Variants in TRIP12 observed in about 807,000 individuals in gnomAD.
TRIP12 encodes thyroid hormone receptor interactor 12.
Under a neutral mutation model 244.2 loss-of-function variants are expected in TRIP12, and 25 were observed. That is an observed-to-expected ratio of 0.10 (90% CI 0.07 to 0.14). The LOEUF is 0.14. Among genes scored for constraint, TRIP12 ranks in the 10% least tolerant of loss-of-function variants. TRIP12 has a pLI of 1.00. For synonymous variants in TRIP12, 905 were observed against 873.1 expected (o/e 1.04, Z -0.64); for missense variants, 1,677 against 2,486.4 (o/e 0.67, Z 6.92).
intron 2 of TRIP12, among the ~76,000 whole-genome samples, chr2:229,876,085 C>T (rs1210124931): frequency 1.3e-5 from 2 of 152,164 alleles, no homozygotes; most frequent in Non-Finnish European, 2.9e-5. Flanking sequence ...ACCAGCCTGG[C>T]CGACATAGTG....
At chr2:229,894,426 A>G (rs1283526150) in intron 1 of TRIP12, 1 of 152,198 alleles carries the variant, frequency 6.6e-6, no homozygotes, top group Non-Finnish European at 1.5e-5. Context: ...GGATTACACA[A>G]TTTAATATTG....
intron 2 of TRIP12, among the ~76,000 whole-genome samples, chr2:229,874,272 T>C (rs1242505761): frequency 6.6e-6 from 1 of 152,128 alleles, no homozygotes; most frequent in East Asian, 1.9e-4. Flanking sequence ...CAAACTTTTC[T>C]TTTTAAAAAG....
intron 11 of TRIP12, 153 bp from the exon 12 acceptor site, chr2:229,814,478 A>G: frequency 1.6e-6 from 1 of 620,700 alleles, no homozygotes; most frequent in Non-Finnish European, 2.7e-6. Context: ...CTTAAGCTAC[A>G]AAGTATAGCC....
At chr2:229,901,776 G>A (rs1029736252) in intron 1 of TRIP12, among the ~76,000 whole-genome samples, 1 of 152,140 alleles carries the variant, frequency 6.6e-6, no homozygotes, top group African/African-American at 2.4e-5. Context: ...AGACAGTTCT[G>A]TGAGGAAAAC....
In TRIP12 at chr2:229,818,512, C is replaced by T. The variant is rs550051391; in HGVS notation, c.1451G>A (p.Ser484Asn). Residue 484 changes from serine (S) to asparagine (N), a missense_variant and splice_region_variant, in exon 9 of 42, where the codon AGT (serine) becomes AAT (asparagine). This residue lies in a region of TRIP12 where 143 missense variants were observed against 215.6 expected (regional missense o/e 0.66). Transcript: ENST00000675903. ...TTGTAGTAGCTGCTGGGCCTTAGAA[C>T]CTTTAGAGAAAAAAATAATTATTAT... ...LFHRTIGSGA[S>N]SKAQQLLQGL... 4 of 1,611,142 alleles carry T rather than the reference C, an allele frequency of 2.5e-6. No homozygotes were observed. The African/African-American group carries it at 4.0e-5, about 16-fold the overall frequency.
chr2:229,822,607 A>C (rs1201112262), intron 8 of TRIP12, among the ~76,000 whole-genome samples: 1 of 152,218 alleles, frequency 6.6e-6, no homozygotes, highest in Admixed American at 6.5e-5. Flanking sequence ...GAGAAAAAAG[A>C]AAGCTAGCAC....
At chr2:229,786,473 C>T (rs567210346) in intron 33 of TRIP12, among the ~76,000 whole-genome samples, 5 of 150,446 alleles carry the variant, frequency 3.3e-5, no homozygotes, top group African/African-American at 4.9e-5. Flanking sequence ...TCTCAGCTCA[C>T]CGCAACCTCC....
chr2:229,828,345 T>G (rs957456960), intron 8 of TRIP12, among the ~76,000 whole-genome samples: 79 of 151,336 alleles, frequency 5.2e-4, no homozygotes, highest in African/African-American at 1.8e-3. Context: ...GTGATTTGTT[T>G]TTTTTTTTTT....
At chr2:229,820,241 G>C (rs187211266) in intron 8 of TRIP12, among the ~76,000 whole-genome samples, 5 of 152,094 alleles carry the variant, frequency 3.3e-5, no homozygotes, top group Non-Finnish European at 7.4e-5. Flanking sequence ...ACTAGATGGA[G>C]GTCTTATAAC....
At position 229,795,296 on chromosome 2, in the gene TRIP12, G is replaced by T. The variant is rs765374325; in HGVS notation, c.3851C>A (p.Pro1284Gln). The change falls in exon 26 of 42, where the codon CCA (proline) becomes CAA (glutamine). Residue 1284 changes from proline to glutamine, a missense_variant. By Grantham distance (76) the Pro-to-Gln change is moderately conservative (BLOSUM62 -1). This residue lies in a region of TRIP12 where 77 missense variants were observed against 69.2 expected (regional missense o/e 1.11). Transcript: ENST00000675903. Reference sequence around the variant, plus strand: ...TGCCAACAAAGGTGCATTACCCACTGGTTCCACTCTTCCAATGGGCTCTTC... The same window carrying T: ...TGCCAACAAAGGTGCATTACCCACTTGTTCCACTCTTCCAATGGGCTCTTC... ...PGEEPIGRVE[P>Q]VGNAPLLALV... 1 of 1,613,710 alleles carries T rather than the reference G, an allele frequency of 6.2e-7. No individual in the cohort carries two copies. Among genetic ancestry groups the T allele is most frequent in the Non-Finnish European group, 8.5e-7 (1 of 1,179,894 alleles).
chr2:229,773,967 G>T, intron 38 of TRIP12, 130 bp downstream of exon 38: 2 of 859,928 alleles, frequency 2.3e-6, no homozygotes, highest in Non-Finnish European at 3.6e-6. Flanking sequence ...TTGTAAAGCA[G>T]CCTTCATGCA....
intron 1 of TRIP12, among the ~76,000 whole-genome samples, chr2:229,903,018 CTT>C (rs57794819): frequency 4.8e-5 from 5 of 104,898 alleles, no homozygotes; most frequent in Admixed American, 1.1e-4. Flanking sequence ...TTCTTTTTTT[CTT>C]TTTTTTTTTT....
At chr2:229,768,755 C>G (rs759056784) in intron 40 of TRIP12, 36 bp from the exon 41 acceptor site, 1 of 1,565,884 alleles carries the variant, frequency 6.4e-7, no homozygotes, top group Non-Finnish European at 8.6e-7. Flanking sequence ...ATTATTTCAT[C>G]AGGTTAAAAT....
chr2:229,848,991 A>T (rs895278055), intron 4 of TRIP12, among the ~76,000 whole-genome samples: 2 of 152,238 alleles, frequency 1.3e-5, no homozygotes, highest in Non-Finnish European at 2.9e-5. Flanking sequence ...CACCAAAACA[A>T]GAAACCAAGA....
intron 26 of TRIP12, among the ~76,000 whole-genome samples, chr2:229,794,486 C>T (rs1393139260): frequency 6.6e-6 from 1 of 152,054 alleles, no homozygotes; most frequent in East Asian, 1.9e-4. Flanking sequence ...AAGATCTCTT[C>T]AGCCAGGAGG....
chr2:229,918,004 A>AT (rs2075825092), intron 1 of TRIP12, among the ~76,000 whole-genome samples: 1 of 152,152 alleles, frequency 6.6e-6, no homozygotes, highest in South Asian at 2.1e-4. Context: ...CACATACCAC[A>AT]TTGACATGAA....
In TRIP12 at chr2:229,818,471, C is replaced by G; in HGVS notation, c.1492G>C (p.Asp498His). ...ACTGCCTGAAGCTGTTGACTTTCAT[C>G]ACTGGCTTGCAATCCTTGTAGTAGC... ...QQLLQGLQAS[D>H]ESQQLQAVIE... The change falls in exon 9 of 42, where the codon GAT becomes CAT. Residue 498 changes from aspartate (D) to histidine (H), a missense_variant. By Grantham distance (81) the Asp-to-His change is moderately conservative. Around this residue, in one of 11 missense-constraint regions of TRIP12, gnomAD observed 143 missense variants for 215.6 expected, o/e 0.66. Coordinates refer to ENST00000675903, the MANE Select transcript of TRIP12 (RefSeq NM_001348323.3). 1 of 1,614,162 alleles carries G rather than the reference C, an allele frequency of 6.2e-7. No individual in the cohort carries two copies. Among genetic ancestry groups the G allele is most frequent in the South Asian group, 1.1e-5 (1 of 91,078 alleles).
At chr2:229,910,462 T>A (rs1292391074) in intron 1 of TRIP12, among the ~76,000 whole-genome samples, 1 of 152,210 alleles carries the variant, frequency 6.6e-6, no homozygotes. Flanking sequence ...AACATAAGTT[T>A]ACCAATTCCT....
chr2:229,819,665 A>G (rs1357269928), intron 8 of TRIP12, among the ~76,000 whole-genome samples: 2 of 152,230 alleles, frequency 1.3e-5, no homozygotes, highest in African/African-American at 4.8e-5. Flanking sequence ...ATATGATGTT[A>G]CTTTTAAAGC....
Sources: allele counts gnomAD v4.1 joint callset (sites outside exome capture counted in the v4.1 genomes callset), GRCh38; gene constraint gnomAD v4.1.1; regional missense constraint gnomAD v4.1.1; transcripts MANE v1.5; gene names NCBI Gene and HGNC (gene_info 2026-07-23, HGNC 2026-07-21).